ANKRD17: variants seen among roughly 807,000 people sequenced by gnomAD.
ANKRD17 encodes the protein ankyrin repeat domain-containing protein 17.
Under a neutral mutation model 229.7 loss-of-function variants are expected in ANKRD17, and 19 were observed. The ratio of observed to expected loss-of-function variants is 0.08; its 90% CI spans 0.06 to 0.12. The LOEUF is 0.12. Ranked by LOEUF, ANKRD17 falls within the 10% of genes least tolerant of loss-of-function variation. The pLI is 1.00. For missense variants in ANKRD17, 2,176 were observed against 3,176.8 expected (o/e 0.68, Z 7.57); for synonymous variants, 1,112 against 1,146.1 (o/e 0.97, Z 0.60).
At chr4:73,250,455 T>C (rs535706223) in intron 1 of ANKRD17, among the ~76,000 whole-genome samples, 3 of 151,292 alleles carry the variant, frequency 2.0e-5, no homozygotes, top group Non-Finnish European at 3.0e-5. Flanking sequence ...ACAAAACAAT[T>C]AGCCAGGCGC....
intron 1 of ANKRD17, among the ~76,000 whole-genome samples, chr4:73,206,060 T>G (rs947350827): frequency 6.6e-6 from 1 of 152,026 alleles, no homozygotes; most frequent in Non-Finnish European, 1.5e-5. Context: ...TTTGAACAGC[T>G]ATGAAGAAAA....
intron 2 of ANKRD17, among the ~76,000 whole-genome samples, chr4:73,172,429 A>C (rs1021231635): frequency 6.6e-6 from 1 of 152,230 alleles, no homozygotes; most frequent in African/African-American, 2.4e-5. Flanking sequence ...AGATTTCTTT[A>C]ATCAGAAAGA....
Position 73,090,351 on chromosome 4 carries a change from G to A in ANKRD17, c.6961+316C>T, listed in dbSNP as rs368651417. Among the ~76,000 whole-genome samples the A allele has an allele frequency of 2.5e-4, 38 of 152,206 alleles. 1 individual carries two copies. The South Asian group carries it at 5.4e-3, about 22-fold the overall frequency. On this transcript the variant is annotated intron_variant, in intron 29 of 33. Coordinates refer to ENST00000358602, the MANE Select transcript of ANKRD17 (RefSeq NM_032217.5). ...CTTGAATCTGGGAGGCAGAGGTTGCGGTGAGCTGAGATCATGCCACTGCAC... is the reference window on the plus strand; with the variant it reads ...CTTGAATCTGGGAGGCAGAGGTTGCAGTGAGCTGAGATCATGCCACTGCAC...
At chr4:73,221,974 C>T (rs1741915437) in intron 1 of ANKRD17, among the ~76,000 whole-genome samples, 1 of 152,112 alleles carries the variant, frequency 6.6e-6, no homozygotes, top group Admixed American at 6.5e-5. Flanking sequence ...GCTAACCCCG[C>T]CTAGCTTCCC....
At position 73,078,634 on chromosome 4, in the gene ANKRD17, T is replaced by A. The variant is rs1212400748; in HGVS notation, c.7408+8A>T. 6.2e-7 allele frequency: 1 copy of A among 1,612,932 alleles called. No individual in the cohort carries two copies. The highest frequency in any genetic ancestry group is 8.5e-7 in the Non-Finnish European group (1 of 1,179,172). Reference sequence around the variant, plus strand: ...TTAATTTCTAGAGAGCAGGACAGAATATCCTACCTTGATTGCCACCAATCC... The same window carrying A: ...TTAATTTCTAGAGAGCAGGACAGAAAATCCTACCTTGATTGCCACCAATCC... On this transcript the variant is annotated splice_region_variant and intron_variant, in intron 31 of 33. Transcript: ENST00000358602.
chr4:73,142,177 C>A, intron 13 of ANKRD17, 65 bp downstream of exon 13: 8 of 1,448,074 alleles, frequency 5.5e-6, no homozygotes, highest in Non-Finnish European at 9.2e-7. Context: ...TAAACAGAAA[C>A]TGTAAGTGAA....
At chr4:73,089,881 G>T (rs1007817570) in intron 29 of ANKRD17, among the ~76,000 whole-genome samples, 1 of 152,050 alleles carries the variant, frequency 6.6e-6, no homozygotes, top group African/African-American at 2.4e-5. Flanking sequence ...GGTAGCCTAA[G>T]AAGCTAATTT....
intron 1 of ANKRD17, among the ~76,000 whole-genome samples, chr4:73,184,174 C>A (rs750196889): frequency 1.3e-5 from 2 of 152,126 alleles, no homozygotes; most frequent in Non-Finnish European, 2.9e-5. Flanking sequence ...TACTGCCATA[C>A]TAGAGAAGAA....
intron 1 of ANKRD17, among the ~76,000 whole-genome samples, chr4:73,179,519 T>TATATATATATATA (rs1491097354): frequency 5.6e-5 from 2 of 35,964 alleles, no homozygotes; most frequent in African/African-American, 1.9e-4. Flanking sequence ...TATATATATA[T>TATATATATATATA]TTTTTTTTTT....
intron 30 of ANKRD17, among the ~76,000 whole-genome samples, chr4:73,084,034 C>T (rs1250900549): frequency 6.6e-6 from 1 of 151,748 alleles, no homozygotes; most frequent in African/African-American, 2.4e-5. Flanking sequence ...CATATCCAAC[C>T]TTACTACAGA....
At position 73,090,885 on chromosome 4, in the gene ANKRD17, G is replaced by T. The variant is rs375736152; in HGVS notation, c.6743C>A (p.Pro2248His). Residue 2248 changes from proline (P) to histidine (H), a missense_variant, in exon 29 of 34, where the codon CCC (proline) becomes CAC (histidine). Around this residue, in one of 18 missense-constraint regions of ANKRD17, gnomAD observed 424 missense variants for 454.0 expected, o/e 0.93. Coordinates refer to ENST00000358602, the MANE Select transcript of ANKRD17 (RefSeq NM_032217.5). ...TGTGCTAAAGGGCCCAAATGGTAAG[G>T]GGGCACTGAAATTGGGAGCAATAGG... ...NKPIAPNFSA[P>H]LPFGPFSTLF... The T allele has an allele frequency of 6.2e-7, 1 of 1,614,222 alleles. No individual in the cohort carries two copies. The highest frequency in any genetic ancestry group is 8.5e-7 in the Non-Finnish European group (1 of 1,180,046).
intron 1 of ANKRD17, among the ~76,000 whole-genome samples, chr4:73,192,655 C>T (rs1017519393): frequency 6.6e-6 from 1 of 152,010 alleles, no homozygotes; most frequent in Non-Finnish European, 1.5e-5. Context: ...AAGAATCACC[C>T]AACCATTTAC....
rs1720974986 is a variant in ANKRD17, at chr4:73,076,057, G to C, written c.*174C>G. ...GTAAAACGGATGATGATGGGGAATG[G>C]GCAGTCACAAATGTTCACAGAAAAT... On this transcript the variant is annotated 3_prime_UTR_variant, in exon 34 of 34. Transcript: ENST00000358602. 1 of 484,798 alleles carries C rather than the reference G, an allele frequency of 2.1e-6. No individual in the cohort carries two copies. The highest frequency in any genetic ancestry group is 3.7e-6 in the Non-Finnish European group (1 of 268,642). The allele number at this position is 484,798 out of a possible 1,614,324, so 30.0% of individuals were successfully genotyped here.
chr4:73,131,268 G>A (rs1728167166), intron 16 of ANKRD17, among the ~76,000 whole-genome samples: 1 of 152,144 alleles, frequency 6.6e-6, no homozygotes, highest in African/African-American at 2.4e-5. Flanking sequence ...AGCCCCTTAT[G>A]AAGAATGCAA....
At chr4:73,123,706 A>G (rs1727060385) in intron 18 of ANKRD17, among the ~76,000 whole-genome samples, 1 of 152,000 alleles carries the variant, frequency 6.6e-6, no homozygotes, top group Admixed American at 6.6e-5. Flanking sequence ...AGGAATTATT[A>G]TATCTATTAA....
chr4:73,086,922 ATATATATATAT>A (rs1560497713), intron 29 of ANKRD17, among the ~76,000 whole-genome samples: 14 of 50,954 alleles, frequency 2.7e-4, no homozygotes, highest in Admixed American at 2.2e-3. Flanking sequence ...AAAAAAAAAT[ATATATATATAT>A]ATATATATAT....
chr4:73,140,237 C>A lies in ANKRD17; in HGVS notation c.2379G>T (p.Gln793His). The A allele has an allele frequency of 6.2e-7, 1 of 1,604,048 alleles. No individual in the cohort carries two copies. Among genetic ancestry groups the A allele is most frequent in the Non-Finnish European group, 8.5e-7 (1 of 1,177,458 alleles). Residue 793 changes from glutamine to histidine, a missense_variant, in exon 15 of 34, where the codon CAG (glutamine) becomes CAT (histidine). This residue lies in a region of ANKRD17 where 275 missense variants were observed against 386.9 expected (regional missense o/e 0.71). Coordinates refer to ENST00000358602, the MANE Select transcript of ANKRD17 (RefSeq NM_032217.5). ...KSSSHLPANS[Q>H]DVQGYITNQS... ...GATTGGTGATGTAACCCTGTACATC[C>A]TGGCTGTTTGCTGGCAAATGGCTGC...
At chr4:73,084,310 A>G (rs1007248354) in intron 30 of ANKRD17, among the ~76,000 whole-genome samples, 8 of 152,136 alleles carry the variant, frequency 5.3e-5, no homozygotes, top group Non-Finnish European at 1.2e-4. Flanking sequence ...CCATTGCACT[A>G]CAGCCTGGGT....
intron 1 of ANKRD17, among the ~76,000 whole-genome samples, chr4:73,179,484 GTGTGTATATATATATA>G (rs1735186349): frequency 3.0e-5 from 2 of 65,686 alleles, no homozygotes; most frequent in South Asian, 5.2e-4. Context: ...GTGTGTGTGT[GTGTGTATATATATATA>G]TATATATATA....
Sources: gnomAD v4.1 joint callset for allele counts (sites outside exome capture counted in the v4.1 genomes callset) on GRCh38, gnomAD v4.1.1 for gene constraint, gnomAD v4.1.1 regional missense constraint, MANE v1.5 for transcripts, NCBI Gene and HGNC (gene_info 2026-07-23, HGNC 2026-07-21) for gene names.